The following KCNG3 variants were observed in gnomAD, a reference collection of about 807,000 sequenced individuals.
KCNG3 encodes voltage-gated potassium channel regulatory subunit KCNG3.
In KCNG3, 15 loss-of-function variants were observed where a neutral mutation model predicts 29.0. That is an observed-to-expected ratio of 0.52 (90% CI 0.35 to 0.80). The LOEUF (loss-of-function observed/expected upper bound fraction) is 0.80. Among genes scored for constraint, KCNG3 ranks in the 30% least tolerant of loss-of-function variants. The pLI, the probability that KCNG3 is intolerant of heterozygous loss-of-function variation, is 0.01. For missense variants in KCNG3, 512 were observed against 605.7 expected, an observed-to-expected ratio of 0.85 and a Z score of 1.62; for synonymous variants, 322 against 248.9, an observed-to-expected ratio of 1.29 and a Z score of -2.76.
intron 1 of KCNG3, among the ~76,000 whole-genome samples, chr2:42,449,637 C>A (rs1672699661): frequency 6.6e-6 from 1 of 151,330 alleles, no homozygotes; most frequent in South Asian, 2.1e-4. Context: ...CCTGCCTCAG[C>A]TTCCTGAGTA....
At chr2:42,467,447 C>T (rs1248918008) in intron 1 of KCNG3, among the ~76,000 whole-genome samples, 1 of 151,144 alleles carries the variant, frequency 6.6e-6, no homozygotes, top group African/African-American at 2.4e-5. Flanking sequence ...GCGGGTGGAT[C>T]ATCTGAGGTC....
At chr2:42,409,204 C>T in the KCNG3 span, among the ~76,000 whole-genome samples, 1 of 151,982 alleles carries the variant, frequency 6.6e-6, no homozygotes, top group African/African-American at 2.4e-5. Flanking sequence ...TGAAATGACT[C>T]CAGCGGGCCC....
intron 1 of KCNG3, among the ~76,000 whole-genome samples, chr2:42,489,303 T>C (rs1251252637): frequency 2.0e-5 from 3 of 152,008 alleles, no homozygotes; most frequent in African/African-American, 2.4e-5. Context: ...GGTGGGAAAA[T>C]CACCTGACTC....
downstream of KCNG3, among the ~76,000 whole-genome samples, chr2:42,438,232 AG>A (rs1672409483): frequency 6.6e-6 from 1 of 152,196 alleles, no homozygotes; most frequent in South Asian, 2.1e-4. Context: ...TGTGTAACAT[AG>A]GGAGACCCTG....
the KCNG3 span, among the ~76,000 whole-genome samples, chr2:42,425,829 C>T: frequency 6.6e-6 from 1 of 152,138 alleles, no homozygotes; most frequent in African/African-American, 2.4e-5. Flanking sequence ...CCAGGAGACA[C>T]CTTTGTGCTT....
the KCNG3 span, among the ~76,000 whole-genome samples, chr2:42,400,921 TA>T: frequency 6.6e-6 from 1 of 152,070 alleles, no homozygotes; most frequent in African/African-American, 2.4e-5. Context: ...ATTCATCTAT[TA>T]TAAATATTTC....
chr2:42,408,573 G>A, the KCNG3 span, among the ~76,000 whole-genome samples: 2 of 152,096 alleles, frequency 1.3e-5, no homozygotes, highest in African/African-American at 4.8e-5. Context: ...TTTGCTAGGA[G>A]CTGAACACTT....
intron 1 of KCNG3, among the ~76,000 whole-genome samples, chr2:42,458,849 G>C (rs1045717065): frequency 6.6e-6 from 1 of 151,174 alleles, no homozygotes; most frequent in Non-Finnish European, 1.5e-5. Context: ...TATTATGTCA[G>C]TGTGGGGTAG....
At chr2:42,448,914 C>T (rs1672672497) in intron 1 of KCNG3, among the ~76,000 whole-genome samples, 1 of 151,650 alleles carries the variant, frequency 6.6e-6, no homozygotes, top group Non-Finnish European at 1.5e-5. Context: ...GGAGGTGGAG[C>T]TTGCAGTGAG....
the KCNG3 span, among the ~76,000 whole-genome samples, chr2:42,396,161 G>A: frequency 6.6e-6 from 1 of 152,102 alleles, no homozygotes; most frequent in African/African-American, 2.4e-5. Flanking sequence ...AGTGACATGG[G>A]TACTCCAAGT....
At chr2:42,490,998 CAG>C (rs1345546241) in intron 1 of KCNG3, among the ~76,000 whole-genome samples, 2 of 152,304 alleles carry the variant, frequency 1.3e-5, no homozygotes, top group African/African-American at 2.4e-5. Context: ...TACCTACACT[CAG>C]ACAGTGAAGC....
intron 1 of KCNG3, among the ~76,000 whole-genome samples, chr2:42,459,723 T>G (rs1672968705): frequency 6.6e-6 from 1 of 152,206 alleles, no homozygotes; most frequent in South Asian, 2.1e-4. Flanking sequence ...ACGCCTGTAA[T>G]CCCAGCTCTT....
the KCNG3 span, among the ~76,000 whole-genome samples, chr2:42,413,183 T>A: frequency 6.6e-6 from 1 of 152,170 alleles, no homozygotes; most frequent in Non-Finnish European, 1.5e-5. Flanking sequence ...TCTATTTTAA[T>A]TTTTAGAGAC....
At chr2:42,470,489 C>A (rs1558383568) in intron 1 of KCNG3, among the ~76,000 whole-genome samples, 1 of 152,132 alleles carries the variant, frequency 6.6e-6, no homozygotes, top group African/African-American at 2.4e-5. Context: ...TAGTAAGACC[C>A]TGTTTCTACA....
the KCNG3 span, among the ~76,000 whole-genome samples, chr2:42,417,693 T>C: frequency 2.0e-5 from 3 of 152,092 alleles, no homozygotes; most frequent in Non-Finnish European, 4.4e-5. Flanking sequence ...TGACACAAAG[T>C]CAGGCGTGGT....
chr2:42,462,421 G>A (rs1484217498), intron 1 of KCNG3, among the ~76,000 whole-genome samples: 8 of 152,192 alleles, frequency 5.3e-5, no homozygotes, highest in Admixed American at 5.2e-4. Context: ...TCCCTTAGCC[G>A]GGTGCAGTGG....
chr2:42,478,839 T>A (rs1293533861), intron 1 of KCNG3, among the ~76,000 whole-genome samples: 6 of 152,312 alleles, frequency 3.9e-5, no homozygotes, highest in African/African-American at 7.2e-5. Flanking sequence ...TGCATCCCAG[T>A]TTATTTCATA....
chr2:42,391,702 A>AC, the KCNG3 span, among the ~76,000 whole-genome samples: 7 of 132,602 alleles, frequency 5.3e-5, no homozygotes, highest in Admixed American at 1.8e-4. Flanking sequence ...TCCCGGGTTC[A>AC]CGCCATTCTC....
the KCNG3 span, among the ~76,000 whole-genome samples, chr2:42,422,837 C>A: frequency 6.6e-6 from 1 of 152,146 alleles, no homozygotes; most frequent in Non-Finnish European, 1.5e-5. Context: ...GTTGCTGAAA[C>A]CAGTGAACAT....
Sources: gnomAD v4.1 joint callset for allele counts (sites outside exome capture counted in the v4.1 genomes callset) on GRCh38, gnomAD v4.1.1 for gene constraint, MANE v1.5 for transcripts, NCBI Gene and HGNC (gene_info 2026-07-23, HGNC 2026-07-21) for gene names.